ADARB1: variants seen among roughly 807,000 people sequenced by gnomAD.
ADARB1 encodes adenosine deaminase RNA specific B1.
ADARB1 carries 10 observed loss-of-function variants against 52.4 expected under a neutral mutation model. That is an observed-to-expected ratio of 0.19 (90% CI 0.12 to 0.32). The LOEUF is 0.32. Ranked by LOEUF, ADARB1 falls within the 10% of genes least tolerant of loss-of-function variation. The pLI is 1.00. For missense variants in ADARB1, 643 were observed against 922.3 expected (o/e 0.70, Z 3.92); for synonymous variants, 349 against 371.1 (o/e 0.94, Z 0.68).
In ADARB1 at chr21:45,142,826, TGC is replaced by T. The variant is rs1395593789; in HGVS notation, c.-48+14254_-48+14255del. 6.6e-5 allele frequency among the ~76,000 whole-genome samples: 10 copies of T among 152,270 alleles called. No homozygotes were observed. Among genetic ancestry groups the T allele is most frequent in the Admixed American group, 6.5e-4 (10 of 15,300 alleles). On this transcript the variant is annotated intron_variant, in intron 2 of 10. Coordinates refer to ENST00000348831, the MANE Select transcript of ADARB1 (RefSeq NM_001112.4). This position sits in a 1 kb window ranked among gnomAD's most constrained non-coding sequence, Gnocchi z 4.0. ...CTGAGGGGCCCAGAAGGTAAGAAAT[TGC>T]CTACGGCCCTTGGCTAATAGAAGAG...
At chr21:45,206,838 T>A (rs1485747555) in intron 9 of ADARB1, among the ~76,000 whole-genome samples, 2 of 152,122 alleles carry the variant, frequency 1.3e-5, no homozygotes, top group East Asian at 3.8e-4. Flanking sequence ...CCTCTCAAAG[T>A]GCTAGGATTA....
intron 1 of ADARB1, among the ~76,000 whole-genome samples, chr21:45,111,152 G>A (rs1472682518): frequency 1.3e-5 from 2 of 152,168 alleles, no homozygotes; most frequent in South Asian, 2.1e-4. Flanking sequence ...CACACGGAGC[G>A]CTGCAGTCCC....
At chr21:45,130,862 CT>C (rs1169724731) in intron 2 of ADARB1, among the ~76,000 whole-genome samples, 2 of 152,114 alleles carry the variant, frequency 1.3e-5, no homozygotes, top group Non-Finnish European at 2.9e-5. Context: ...GCTGGAACAT[CT>C]TGGGGGGATA....
chr21:45,203,295 T>C (rs1437889000), intron 8 of ADARB1, among the ~76,000 whole-genome samples: 2 of 152,184 alleles, frequency 1.3e-5, no homozygotes, highest in Non-Finnish European at 2.9e-5. Flanking sequence ...AGCCCCCTCC[T>C]TTGGGGCTAA....
At chr21:45,094,545 C>T (rs1445410062) in intron 1 of ADARB1, among the ~76,000 whole-genome samples, 1 of 152,180 alleles carries the variant, frequency 6.6e-6, no homozygotes, top group Non-Finnish European at 1.5e-5. Context: ...CAGGGAACAT[C>T]CTCTGTACAT....
chr21:45,223,317 G>T lies in ADARB1; in HGVS notation c.*1120G>T. On this transcript the variant is annotated 3_prime_UTR_variant, in exon 11 of 11. Coordinates refer to ENST00000348831, the MANE Select transcript of ADARB1 (RefSeq NM_001112.4). ...GGTGAGACCACGTGCTGCTGGCGTAGTGTAGGCCAGACATTGACAGTCCTG... is the reference window on the plus strand; with the variant it reads ...GGTGAGACCACGTGCTGCTGGCGTATTGTAGGCCAGACATTGACAGTCCTG... 1.0e-6 allele frequency: 1 copy of T among 985,518 alleles called. No individual in the cohort carries two copies. Among genetic ancestry groups the T allele is most frequent in the Non-Finnish European group, 1.2e-6 (1 of 829,962 alleles). The allele number at this position is 985,518 out of a possible 1,614,324, so 61.0% of individuals were successfully genotyped here.
intron 1 of ADARB1, among the ~76,000 whole-genome samples, chr21:45,088,620 T>A (rs1459241099): frequency 1.3e-5 from 2 of 152,180 alleles, no homozygotes; most frequent in Non-Finnish European, 2.9e-5. Flanking sequence ...TTACTTCAGG[T>A]GAGTTCCGCG....
intron 2 of ADARB1, among the ~76,000 whole-genome samples, chr21:45,141,091 G>A (rs1569060067): frequency 6.6e-6 from 1 of 152,118 alleles, no homozygotes; most frequent in Non-Finnish European, 1.5e-5. Flanking sequence ...CCAGCTACTC[G>A]AGAGGCTGAG....
At chr21:45,188,918 G>C (rs1419415500) in intron 8 of ADARB1, among the ~76,000 whole-genome samples, 1 of 152,178 alleles carries the variant, frequency 6.6e-6, no homozygotes, top group Non-Finnish European at 1.5e-5. Flanking sequence ...CACCTGGCTG[G>C]GGAGGCCTCA....
chr21:45,160,097 T>G (rs1325335940), intron 2 of ADARB1, among the ~76,000 whole-genome samples: 1 of 152,216 alleles, frequency 6.6e-6, no homozygotes, highest in African/African-American at 2.4e-5. Flanking sequence ...TGGTTCTCTT[T>G]CAGGGAGGTC....
Position 45,209,534 on chromosome 21 carries a change from G to C in ADARB1, c.1747+4798G>C, listed in dbSNP as rs545370146. The stretch of plus-strand genomic sequence containing the variant: ...TTGCCTGTGTGCCAGGTGGACTGGG[G>C]ACTGTGGATGTCTGGGCTCTGCCCT... On this transcript the variant is annotated intron_variant, in intron 9 of 10. Coordinates refer to ENST00000348831, the MANE Select transcript of ADARB1 (RefSeq NM_001112.4). Among the ~76,000 whole-genome samples, 22 of 152,310 alleles carry C rather than the reference G, an allele frequency of 1.4e-4. No individual in the cohort carries two copies. The South Asian group carries it at 4.6e-3, about 32-fold the overall frequency.
chr21:45,205,621 G>C (rs1056750933), intron 9 of ADARB1, among the ~76,000 whole-genome samples: 1 of 152,172 alleles, frequency 6.6e-6, no homozygotes, highest in African/African-American at 2.4e-5. Context: ...ACCTACCCTC[G>C]ATTCCCTTCA....
chr21:45,133,695 C>G (rs1282806325), intron 2 of ADARB1: 1 of 275,620 alleles, frequency 3.6e-6, no homozygotes, highest in African/African-American at 2.3e-5. Context: ...GTGTGCCCGA[C>G]GGTGTGTGCG....
Position 45,185,019 on chromosome 21 carries a change from G to A in ADARB1, c.1493G>A (p.Ser498Asn). Residue 498 changes from serine (S) to asparagine (N), a missense_variant, in exon 8 of 11, where the codon AGC becomes AAC. Coordinates refer to ENST00000348831, the MANE Select transcript of ADARB1 (RefSeq NM_001112.4). ...EGTIPVRSNASIQTWDGVLQG... is the reference protein window; with the variant it reads ...EGTIPVRSNANIQTWDGVLQG... The stretch of plus-strand genomic sequence containing the variant: ...ACGATTCCAGTGCGCTCCAATGCGA[G>A]CATCCAAACGTGGGACGGGGTGCTG... 1 of 1,614,210 alleles carries A rather than the reference G, an allele frequency of 6.2e-7. No homozygotes were observed. Among genetic ancestry groups the A allele is most frequent in the Non-Finnish European group, 8.5e-7 (1 of 1,180,028 alleles).
chr21:45,194,470 G>A (rs2092379205), intron 8 of ADARB1, among the ~76,000 whole-genome samples: 1 of 140,018 alleles, frequency 7.1e-6, no homozygotes. Flanking sequence ...TACTCTGCCT[G>A]TTCACCCCTC....
intron 8 of ADARB1, among the ~76,000 whole-genome samples, chr21:45,188,362 C>T (rs1191503498): frequency 6.6e-6 from 1 of 152,220 alleles, no homozygotes; most frequent in Non-Finnish European, 1.5e-5. Context: ...CTGCCTCGGC[C>T]TCCCAAAGTG....
In ADARB1 at chr21:45,224,048, AG is replaced by A. The variant is rs2093013470; in HGVS notation, c.*1855del. Reference sequence around the variant, plus strand: ...TGGGGTTCTGCACCTGCAGAAGGAGAGGGGTCTGTTGTCGCTGGCTTTCCCC... The same window carrying A: ...TGGGGTTCTGCACCTGCAGAAGGAGAGGGTCTGTTGTCGCTGGCTTTCCCC... On this transcript the variant is annotated 3_prime_UTR_variant, in exon 11 of 11. Transcript: ENST00000348831. 1 of 985,432 alleles carries A rather than the reference AG, an allele frequency of 1.0e-6. No individual in the cohort carries two copies. The highest frequency in any genetic ancestry group is 1.2e-6 in the Non-Finnish European group (1 of 829,964). The allele number at this position is 985,432 out of a possible 1,614,324, so 61.0% of individuals were successfully genotyped here.
chr21:45,127,868 C>A (rs750269158), intron 1 of ADARB1, among the ~76,000 whole-genome samples: 1 of 152,128 alleles, frequency 6.6e-6, no homozygotes, highest in Non-Finnish European at 1.5e-5. Flanking sequence ...GAAACATTTT[C>A]TCTAATGGCT....
intron 8 of ADARB1, among the ~76,000 whole-genome samples, chr21:45,191,880 A>ATGTTTTTT (rs1601874792): frequency 6.4e-5 from 1 of 15,748 alleles, no homozygotes; most frequent in Non-Finnish European, 1.5e-4. Context: ...ATATATATAT[A>ATGTTTTTT]TTTTTTTTTT....
Sources: gnomAD v4.1 joint callset for allele counts (sites outside exome capture counted in the v4.1 genomes callset) on GRCh38, gnomAD v4.1.1 for gene constraint, Gnocchi (gnomAD v3.1) non-coding constraint, MANE v1.5 for transcripts, NCBI Gene and HGNC (gene_info 2026-07-23, HGNC 2026-07-21) for gene names.